Variants in FHIT observed in about 807,000 individuals in gnomAD.
FHIT encodes the protein fragile histidine triad diadenosine triphosphatase.
Under a neutral mutation model 17.9 loss-of-function variants are expected in FHIT, and 19 were observed. The ratio of observed to expected loss-of-function variants is 1.06; its 90% confidence interval spans 0.74 to 1.56. FHIT has a LOEUF of 1.56. FHIT is among the 40% of genes most tolerant of loss of function. The pLI is 0.00. For synonymous variants in FHIT, 81 were observed against 69.7 expected (o/e 1.16, Z -0.81); for missense variants, 248 against 189.2 (o/e 1.31, Z -1.82).
At chr3:60,451,042 T>C (rs562477448) in intron 5 of FHIT, among the ~76,000 whole-genome samples, 1 of 152,294 alleles carries the variant, frequency 6.6e-6, no homozygotes, top group Non-Finnish European at 1.5e-5. Context: ...TAGGAGTTCT[T>C]GGGCCAACGA....
intron 4 of FHIT, among the ~76,000 whole-genome samples, chr3:60,684,646 C>G (rs2040822557): frequency 6.6e-6 from 1 of 151,998 alleles, no homozygotes; most frequent in Non-Finnish European, 1.5e-5. Flanking sequence ...AAGAGCTGTG[C>G]CACCCCTTTA....
chr3:60,391,288 A>T (rs887014514), intron 5 of FHIT, among the ~76,000 whole-genome samples: 1 of 152,190 alleles, frequency 6.6e-6, no homozygotes, highest in Non-Finnish European at 1.5e-5. Context: ...TTTAAAATTT[A>T]TTTTTGTTTA....
chr3:60,457,526 G>A (rs1230605716), intron 5 of FHIT, among the ~76,000 whole-genome samples: 1 of 152,004 alleles, frequency 6.6e-6, no homozygotes, highest in Non-Finnish European at 1.5e-5. Context: ...CATGGGCAAG[G>A]ACTTCATGTC....
intron 5 of FHIT, among the ~76,000 whole-genome samples, chr3:60,479,431 G>A (rs1473731041): frequency 6.6e-6 from 1 of 152,122 alleles, no homozygotes. Context: ...TATGATGGTG[G>A]TCCTATAAGA....
intron 4 of FHIT, among the ~76,000 whole-genome samples, chr3:60,733,803 T>C (rs1330573753): frequency 6.6e-6 from 1 of 152,194 alleles, no homozygotes; most frequent in African/African-American, 2.4e-5. Flanking sequence ...TCACATTCCC[T>C]TAGCAGAATG....
chr3:60,090,717 C>T (rs1381851853), intron 5 of FHIT, among the ~76,000 whole-genome samples: 1 of 152,110 alleles, frequency 6.6e-6, no homozygotes, highest in Admixed American at 6.6e-5. Context: ...TGATGGGCTG[C>T]TTTGATGCTT....
At chr3:60,530,771 G>A (rs1448042587) in intron 5 of FHIT, among the ~76,000 whole-genome samples, 1 of 152,192 alleles carries the variant, frequency 6.6e-6, no homozygotes, top group Non-Finnish European at 1.5e-5. Flanking sequence ...GGAGTTGGCA[G>A]GATTCTCTGT....
intron 5 of FHIT, chr3:60,080,711 C>A (rs1182610102): frequency 6.6e-6 from 1 of 151,750 alleles, no homozygotes; most frequent in East Asian, 1.9e-4. Flanking sequence ...GATTAGCAAC[C>A]CTGTAAGAGC....
At chr3:60,824,691 C>A (rs563767065) in intron 3 of FHIT, among the ~76,000 whole-genome samples, 1 of 152,190 alleles carries the variant, frequency 6.6e-6, no homozygotes, top group East Asian at 1.9e-4. Flanking sequence ...GTAATTGAAT[C>A]ATGGGGGTGG....
At chr3:60,078,416 C>T (rs898023758) in intron 5 of FHIT, among the ~76,000 whole-genome samples, 6 of 152,072 alleles carry the variant, frequency 3.9e-5, no homozygotes, top group Non-Finnish European at 8.8e-5. Flanking sequence ...CCACATCAGA[C>T]AAACTCAAAT....
At chr3:60,365,053 T>C (rs1038875419) in intron 5 of FHIT, among the ~76,000 whole-genome samples, 2 of 150,742 alleles carry the variant, frequency 1.3e-5, no homozygotes, top group East Asian at 3.9e-4. Context: ...TCTGAATATA[T>C]ATATATATAT....
intron 4 of FHIT, among the ~76,000 whole-genome samples, chr3:60,579,963 C>G (rs1553659061): frequency 6.6e-6 from 1 of 152,072 alleles, no homozygotes; most frequent in African/African-American, 2.4e-5. Flanking sequence ...AGTAATGAGT[C>G]AGAAAATGTC....
chr3:60,699,681 G>C (rs1228568585), intron 4 of FHIT, among the ~76,000 whole-genome samples: 6 of 97,198 alleles, frequency 6.2e-5, no homozygotes, highest in African/African-American at 1.3e-4. Flanking sequence ...CTAAAACTTA[G>C]AGTATAATAA....
chr3:60,563,227 T>C (rs1164974047), intron 4 of FHIT, among the ~76,000 whole-genome samples: 1 of 152,130 alleles, frequency 6.6e-6, no homozygotes, highest in African/African-American at 2.4e-5. Context: ...GCACTTATTC[T>C]GGATATGTCT....
intron 4 of FHIT, among the ~76,000 whole-genome samples, chr3:60,810,023 G>T (rs563537820): frequency 1.3e-5 from 2 of 152,162 alleles, no homozygotes; most frequent in East Asian, 3.9e-4. Context: ...CACACACTGC[G>T]GTGATGATAA....
chr3:60,051,130 T>A (rs1701860044), intron 5 of FHIT, among the ~76,000 whole-genome samples: 2 of 152,054 alleles, frequency 1.3e-5, no homozygotes, highest in South Asian at 4.1e-4. Context: ...GGAGGGTACC[T>A]AATGGGGCCT....
chr3:60,766,055 T>C (rs1408144255), intron 4 of FHIT, among the ~76,000 whole-genome samples: 1 of 152,108 alleles, frequency 6.6e-6, no homozygotes, highest in Non-Finnish European at 1.5e-5. Context: ...CTTCTCTCTC[T>C]CTCAATTTGC....
Position 60,321,056 on chromosome 3 carries a change from G to A in FHIT, c.103+215804C>T, listed in dbSNP as rs545681345. Among the ~76,000 whole-genome samples, 16 of 152,304 alleles carry A rather than the reference G, an allele frequency of 1.1e-4. 2 individuals are homozygous for A. In the South Asian group the frequency reaches 3.1e-3, roughly 30 times the overall value. ...TGAACCTGTTATCCATGTGATCACA[G>A]ATACCGAAAACATGCTTGTTTCTCT... On this transcript the variant is annotated intron_variant, in intron 5 of 9. Transcript: ENST00000492590.
At chr3:60,715,109 A>G (rs1185626480) in intron 4 of FHIT, among the ~76,000 whole-genome samples, 2 of 152,128 alleles carry the variant, frequency 1.3e-5, no homozygotes, top group African/African-American at 4.8e-5. Context: ...GGAACAGAAC[A>G]GAGCCCTCAG....
Sources: allele counts gnomAD v4.1 joint callset (sites outside exome capture counted in the v4.1 genomes callset), GRCh38; gene constraint gnomAD v4.1.1; transcripts MANE v1.5; gene names NCBI Gene and HGNC (gene_info 2026-07-23, HGNC 2026-07-21).